The following LZTS3 variants were observed in gnomAD, a reference collection of about 807,000 sequenced individuals.
LZTS3 encodes leucine zipper putative tumor suppressor 3.
LZTS3 carries 16 observed loss-of-function variants against 50.9 expected under a neutral mutation model. That is an observed-to-expected ratio of 0.31 (90% CI 0.21 to 0.48). LZTS3 has a LOEUF of 0.48. LZTS3 is among the 20% of genes least tolerant of loss of function. LZTS3 has a pLI of 0.99. For synonymous variants in LZTS3, 408 were observed against 410.6 expected, an observed-to-expected ratio of 0.99 and a Z score of 0.08; for missense variants, 816 against 931.0, an observed-to-expected ratio of 0.88 and a Z score of 1.61.
Position 3,162,804 on chromosome 20 carries a change from C to T in LZTS3, c.*1650G>A, listed in dbSNP as rs945240315. 1.3e-5 allele frequency: 2 copies of T among 152,452 alleles called. No homozygotes were observed. Among genetic ancestry groups the T allele is most frequent in the African/African-American group, 2.4e-5 (1 of 41,400 alleles). The allele number at this position is 152,452 out of a possible 1,614,324, so 9.4% of individuals were successfully genotyped here. A position where few individuals can be genotyped will look rare whatever the true frequency, so the allele number is the denominator to read the frequency against. On this transcript the variant is annotated 3_prime_UTR_variant, in exon 5 of 5. Coordinates refer to ENST00000337576, the MANE Select transcript of LZTS3 (RefSeq NM_001365618.1). This position sits in a 1 kb window ranked among gnomAD's most constrained non-coding sequence, Gnocchi z 5.0. ...TTCTTACTAATGCCTTCTCTTCTCC[C>T]TGCCCCTGTGGCCTAGGCCCAGGTT...
chr20:3,165,657 C>T lies in LZTS3; in HGVS notation c.1163G>A (p.Gly388Asp), dbSNP rs766881284. 11 of 1,591,540 alleles carry T rather than the reference C, an allele frequency of 6.9e-6. No individual in the cohort carries two copies. In the South Asian group the frequency reaches 1.2e-4, roughly 18 times the overall value. ...VARRAQRAQQ[G>D]LQLQVLRLQQ... ...CAGCCGCAACACCTGCAGCTGTAGG[C>T]CCTGCTGGGCGCGCTGGGCACGTCG... Residue 388 changes from glycine (G) to aspartate (D), a missense_variant, in exon 4 of 5, where the codon GGC (glycine) becomes GAC (aspartate). Coordinates refer to ENST00000337576, the MANE Select transcript of LZTS3 (RefSeq NM_001365618.1). The surrounding 1 kb of genome is among the most constrained non-coding windows in gnomAD (Gnocchi z 5.0).
In LZTS3 at chr20:3,167,173, AG is replaced by A. The variant is rs768219068; in HGVS notation, c.-11del. 1.3e-5 allele frequency: 19 copies of A among 1,462,020 alleles called. No homozygotes were observed. The highest frequency in any genetic ancestry group is 1.3e-4 in the African/African-American group (9 of 70,960). 90.6% of individuals were successfully genotyped at this position (1,462,020 alleles called of 1,614,324 possible). ...TCTCCAGCTTCGCCATGACTAAGCC[AG>A]GGGGGCACTGTGGGCACAGGTGGGA... On this transcript the variant is annotated 5_prime_UTR_variant, in exon 3 of 5. Coordinates refer to ENST00000337576, the MANE Select transcript of LZTS3 (RefSeq NM_001365618.1).
rs1238383657 is a variant in LZTS3 at position 3,173,539 on chromosome 20, G to A, written c.-327C>T. 1 of 151,058 alleles carries A rather than the reference G, an allele frequency of 6.6e-6. No homozygotes were observed. 9.4% of individuals were successfully genotyped at this position (151,058 alleles called of 1,614,324 possible). On this transcript the variant is annotated 5_prime_UTR_variant, in exon 1 of 5. Transcript: ENST00000337576. ...GGCGCAGCCCGAAGCACGCCCGGCGGGGCGCGCTGCGCGGGCCCGGCTCCG... is the reference window on the plus strand; with the variant it reads ...GGCGCAGCCCGAAGCACGCCCGGCGAGGCGCGCTGCGCGGGCCCGGCTCCG...
At chr20:3,173,062 G>T (rs1427953771) in intron 1 of LZTS3, among the ~76,000 whole-genome samples, 1 of 151,988 alleles carries the variant, frequency 6.6e-6, no homozygotes, top group Non-Finnish European at 1.5e-5. Context: ...GTGGGAGGGG[G>T]GGTCGCCATT....
In LZTS3 at chr20:3,166,896, C is replaced by T. The variant is rs762787556; in HGVS notation, c.268G>A (p.Asp90Asn). 5 of 1,613,338 alleles carry T rather than the reference C, an allele frequency of 3.1e-6. No individual in the cohort carries two copies. Among genetic ancestry groups the T allele is most frequent in the Non-Finnish European group, 4.2e-6 (5 of 1,180,012 alleles). Residue 90 changes from aspartate (D) to asparagine (N), a missense_variant, in exon 3 of 5, where the codon GAC (aspartate) becomes AAC (asparagine). Coordinates refer to ENST00000337576, the MANE Select transcript of LZTS3 (RefSeq NM_001365618.1). ...RERPGRYPSE[D>N]KGLANSLYLN... ...TAGAGGGAGTTGGCGAGACCCTTGT[C>T]CTCTGAGGGGTAGCGGCCCGGCCTC...
intron 3 of LZTS3, 122 bp from the exon 4 acceptor site, chr20:3,166,482 G>C: frequency 5.3e-6 from 7 of 1,309,712 alleles, no homozygotes; most frequent in Non-Finnish European, 7.2e-6. Flanking sequence ...TCCACCCTGA[G>C]GTTCCCCATC....
chr20:3,165,519 C>T lies in LZTS3; in HGVS notation c.1301G>A (p.Arg434Gln), dbSNP rs1332163331. 2 of 1,554,746 alleles carry T rather than the reference C, an allele frequency of 1.3e-6. No individual in the cohort carries two copies. The highest frequency in any genetic ancestry group is 2.3e-5 in the East Asian group (1 of 44,438). The stretch of plus-strand genomic sequence containing the variant: ...CACCTCCCACTTAGTTTCCTCTATC[C>T]GGGGCAGGAAGTCGGCCTGCTCCTT... ...CQKEQADFLP[R>Q]IEETKWEVCQ... Residue 434 changes from arginine (R) to glutamine (Q), a missense_variant, in exon 4 of 5, where the codon CGG (arginine) becomes CAG (glutamine). Transcript: ENST00000337576. The surrounding 1 kb of genome is among the most constrained non-coding windows in gnomAD (Gnocchi z 5.0).
rs143536484 is a variant in LZTS3, at chr20:3,166,342, G to A, written c.478C>T (p.Arg160Trp). ...ACGACAGGCTTGAAGGCCGACGGCCGAACTAGTGGTTCTGAGCACTGCAGG... is the reference window on the plus strand; with the variant it reads ...ACGACAGGCTTGAAGGCCGACGGCCAAACTAGTGGTTCTGAGCACTGCAGG... Reference protein sequence around the residue: ...KLDQCSEPLVRPSAFKPVVPK... With the variant: ...KLDQCSEPLVWPSAFKPVVPK... The change falls in exon 4 of 5, where the codon CGG becomes TGG. Residue 160 changes from arginine (R) to tryptophan (W), a missense_variant. Arg to Trp is a moderately radical substitution (Grantham distance 101, BLOSUM62 -3). Coordinates refer to ENST00000337576, the MANE Select transcript of LZTS3 (RefSeq NM_001365618.1). 57 of 1,610,060 alleles carry A rather than the reference G, an allele frequency of 3.5e-5. No homozygotes were observed. Among genetic ancestry groups the A allele is most frequent in the African/African-American group, 9.3e-5 (7 of 74,908 alleles).
Position 3,165,346 on chromosome 20 carries a change from C to T in LZTS3, c.1323+151G>A. ...TCTCACCCAGCGGATGGCCTCGGGT[C>T]CTCACAGACACTCCCAATTGATTTT... On this transcript the variant is annotated intron_variant, in intron 4 of 4. Coordinates refer to ENST00000337576, the MANE Select transcript of LZTS3 (RefSeq NM_001365618.1). This position sits in a 1 kb window ranked among gnomAD's most constrained non-coding sequence, Gnocchi z 5.0. The T allele has an allele frequency of 7.5e-7, 1 of 1,327,668 alleles. No individual in the cohort carries two copies. Among genetic ancestry groups the T allele is most frequent in the South Asian group, 1.5e-5 (1 of 66,428 alleles). The allele number at this position is 1,327,668 out of a possible 1,614,324, so 82.2% of individuals were successfully genotyped here. A position where few individuals can be genotyped will look rare whatever the true frequency, so the allele number is the denominator to read the frequency against.
Position 3,167,909 on chromosome 20 carries a change from C to A in LZTS3, c.-190G>T. On this transcript the variant is annotated 5_prime_UTR_variant, in exon 2 of 5. Coordinates refer to ENST00000337576, the MANE Select transcript of LZTS3 (RefSeq NM_001365618.1). Reference sequence around the variant, plus strand: ...GCAGTCGGGGCTCGGCCCGAACCAGCTGCGCGACTTTGGAGGGGCCGACTG... The same window carrying A: ...GCAGTCGGGGCTCGGCCCGAACCAGATGCGCGACTTTGGAGGGGCCGACTG... 1 of 974,098 alleles carries A rather than the reference C, an allele frequency of 1.0e-6. No individual in the cohort carries two copies. The highest frequency in any genetic ancestry group is 1.2e-6 in the Non-Finnish European group (1 of 819,526). The allele number at this position is 974,098 out of a possible 1,614,324, so 60.3% of individuals were successfully genotyped here.
chr20:3,167,869 A>G lies in LZTS3; in HGVS notation c.-150T>C. 1 of 985,384 alleles carries G rather than the reference A, an allele frequency of 1.0e-6. No homozygotes were observed. Among genetic ancestry groups the G allele is most frequent in the Non-Finnish European group, 1.2e-6 (1 of 829,914 alleles). The allele number at this position is 985,384 out of a possible 1,614,324, so 61.0% of individuals were successfully genotyped here. A position where few individuals can be genotyped will look rare whatever the true frequency, so the allele number is the denominator to read the frequency against. On this transcript the variant is annotated 5_prime_UTR_variant, in exon 2 of 5. It removes an upstream start codon present in the reference 5' UTR. Transcript: ENST00000337576. ...CTCCGAGGCCCGGTCTGCAGGGGCC[A>G]TGTGCCTCACTCTCGCAGTCGGGGC...
intron 1 of LZTS3, 135 bp downstream of exon 1, chr20:3,173,320 C>G (rs2066921829): frequency 6.5e-6 from 1 of 152,728 alleles, no homozygotes; most frequent in Admixed American, 6.5e-5. Context: ...TCTCCGCTCC[C>G]CTCCCCCTTG....
In LZTS3 at chr20:3,164,856, C is replaced by G; in HGVS notation, c.1620G>C (p.Glu540Asp). Reference sequence around the variant, plus strand: ...CCCCGGCCTGACGGCGCATCTTAGCCTCGTCGCTCTCGCAGGTGGCCAGAG... The same window carrying G: ...CCCCGGCCTGACGGCGCATCTTAGCGTCGTCGCTCTCGCAGGTGGCCAGAG... Reference protein sequence around the residue: ...QDALATCESDEAKMRRQAGVA... With the variant: ...QDALATCESDDAKMRRQAGVA... The change falls in exon 5 of 5, where the codon GAG becomes GAC. Residue 540 changes from glutamate (E) to aspartate (D), a missense_variant. Coordinates refer to ENST00000337576, the MANE Select transcript of LZTS3 (RefSeq NM_001365618.1). 1.9e-6 allele frequency: 3 copies of G among 1,556,292 alleles called. No homozygotes were observed. Among genetic ancestry groups the G allele is most frequent in the Non-Finnish European group, 2.6e-6 (3 of 1,157,120 alleles).
Position 3,166,766 on chromosome 20 carries a change from G to A in LZTS3, c.398C>T (p.Pro133Leu), listed in dbSNP as rs141128004. ...SSSGGSDKAP[P>L]QYREPSHPPK... ...TGGGTGGCTGGGCTCACGATACTGC[G>A]GTGGGGCTTTGTCACTGCCACCACT... Residue 133 changes from proline to leucine, a missense_variant, in exon 3 of 5, where the codon CCG (proline) becomes CTG (leucine). Pro to Leu is a moderately conservative substitution (Grantham distance 98). Around this residue, in one of 3 missense-constraint regions of LZTS3, gnomAD observed 700 missense variants for 769.4 expected, o/e 0.91. Coordinates refer to ENST00000337576, the MANE Select transcript of LZTS3 (RefSeq NM_001365618.1). 43 of 1,613,800 alleles carry A rather than the reference G, an allele frequency of 2.7e-5. No homozygotes were observed. Among genetic ancestry groups the A allele is most frequent in the Middle Eastern group, 1.6e-4 (1 of 6,082 alleles).
intron 1 of LZTS3, among the ~76,000 whole-genome samples, chr20:3,172,080 C>T (rs887952784): frequency 2.0e-5 from 3 of 152,182 alleles, no homozygotes; most frequent in Non-Finnish European, 4.4e-5. Flanking sequence ...CATCCAGCAC[C>T]CCTGCTGGGG....
Position 3,165,596 on chromosome 20 carries a change from G to A in LZTS3, c.1224C>T (p.Ala408=), listed in dbSNP as rs564706067. 46 of 1,596,898 alleles carry A rather than the reference G, an allele frequency of 2.9e-5. No individual in the cohort carries two copies. The East Asian group carries it at 8.3e-4, about 29-fold the overall frequency. Residue 408 remains alanine (A), a synonymous_variant, in exon 4 of 5, where the codon GCC becomes GCT. Transcript: ENST00000337576. This position sits in a 1 kb window ranked among gnomAD's most constrained non-coding sequence, Gnocchi z 5.0. ...GCTCTTCCCGCTGCCGCATCAGCCG[G>A]GCCGCCTCCTCCTGCAGCTGCTTCT... The part of the protein sequence containing the change: ...QDKKQLQEEA[A]RLMRQREELE...
At chr20:3,168,360 G>GGAGGT (rs2066861174) in intron 1 of LZTS3, 1 of 152,098 alleles carries the variant, frequency 6.6e-6, no homozygotes, top group Non-Finnish European at 1.5e-5. Context: ...GGAGGGGAGG[G>GGAGGT]GAGGGGCCGC....
rs569030961 is a variant in LZTS3, at chr20:3,167,132, G to C, written c.32C>G (p.Ala11Gly). The C allele has an allele frequency of 4.8e-5, 71 of 1,494,222 alleles. No homozygotes were observed. The East Asian group carries it at 1.5e-3, about 31-fold the overall frequency. 92.6% of individuals were successfully genotyped at this position (1,494,222 alleles called of 1,614,324 possible). A position where few individuals can be genotyped will look rare whatever the true frequency, so the allele number is the denominator to read the frequency against. MAKLETLPVR[A>G]DPGRDPLLAF... Reference sequence around the variant, plus strand: ...CAGGAGAGGATCCCGCCCTGGGTCAGCGCGCACAGGCAGCGTCTCCAGCTT... The same window carrying C: ...CAGGAGAGGATCCCGCCCTGGGTCACCGCGCACAGGCAGCGTCTCCAGCTT... Residue 11 changes from alanine (A) to glycine (G), a missense_variant, in exon 3 of 5, where the codon GCT becomes GGT. Ala to Gly is a moderately conservative substitution (Grantham distance 60). Coordinates refer to ENST00000337576, the MANE Select transcript of LZTS3 (RefSeq NM_001365618.1).
In LZTS3 at chr20:3,165,222, G is replaced by C; in HGVS notation, c.1324-70C>G. ...TCTGCTCACCCCAACCCAGCTACCAGATCTGGAGCCAGGGGCACCAAGCTT... is the reference window on the plus strand; with the variant it reads ...TCTGCTCACCCCAACCCAGCTACCACATCTGGAGCCAGGGGCACCAAGCTT... On this transcript the variant is annotated intron_variant, in intron 4 of 4. Coordinates refer to ENST00000337576, the MANE Select transcript of LZTS3 (RefSeq NM_001365618.1). This position sits in a 1 kb window ranked among gnomAD's most constrained non-coding sequence, Gnocchi z 5.0. 7.2e-7 allele frequency: 1 copy of C among 1,396,402 alleles called. No individual in the cohort carries two copies. The allele number at this position is 1,396,402 out of a possible 1,614,324, so 86.5% of individuals were successfully genotyped here.
Sources: gnomAD v4.1 joint callset for allele counts (sites outside exome capture counted in the v4.1 genomes callset) on GRCh38, gnomAD v4.1.1 for gene constraint, gnomAD v4.1.1 regional missense constraint, Gnocchi (gnomAD v3.1) non-coding constraint, MANE v1.5 for transcripts, NCBI Gene and HGNC (gene_info 2026-07-23, HGNC 2026-07-21) for gene names.